The following ZNF227 variants were observed in gnomAD, a reference collection of about 807,000 sequenced individuals.
ZNF227 encodes zinc finger protein 227.
In ZNF227, 12 loss-of-function variants were observed where a neutral mutation model predicts 13.2. The ratio of observed to expected loss-of-function variants is 0.91; its 90% CI spans 0.58 to 1.47. The LOEUF is 1.47. Ranked by LOEUF, ZNF227 falls within the 40% of genes most tolerant of loss-of-function variation. The pLI is 0.00. For synonymous variants in ZNF227, 338 were observed against 326.0 expected (o/e 1.04, Z -0.40); for missense variants, 885 against 967.5 (o/e 0.91, Z 1.13).
At position 44,236,107 on chromosome 19, in the gene ZNF227, T is replaced by C. The variant is rs573333730; in HGVS notation, c.1677T>C (p.Tyr559=). 6.2e-6 allele frequency: 10 copies of C among 1,613,686 alleles called. No homozygotes were observed. Among genetic ancestry groups the C allele is most frequent in the Admixed American group, 3.3e-5 (2 of 59,974 alleles). The change falls in exon 6 of 6, where the codon TAT becomes TAC. Residue 559 remains tyrosine (Y), a synonymous_variant. Coordinates refer to ENST00000313040, the MANE Select transcript of ZNF227 (RefSeq NM_182490.3). ...RCDVCGKDFS[Y]SSNLKLHQVI... is the part of the protein sequence containing the mutation. Reference sequence around the variant, plus strand: ...ATGTGTGTGGTAAGGACTTCAGTTATAGTTCAAATCTTAAACTACACCAAG... The same window carrying C: ...ATGTGTGTGGTAAGGACTTCAGTTACAGTTCAAATCTTAAACTACACCAAG...
At chr19:44,218,886 GTTACC>G (rs1455197374) in intron 3 of ZNF227, among the ~76,000 whole-genome samples, 1 of 152,104 alleles carries the variant, frequency 6.6e-6, no homozygotes, top group African/African-American at 2.4e-5. Flanking sequence ...AGTACCTGAT[GTTACC>G]TTTTTATTCT....
upstream of ZNF227, among the ~76,000 whole-genome samples, chr19:44,209,560 CTTTTA>C (rs367682129): frequency 1.2e-3 from 175 of 152,058 alleles, 1 homozygote; most frequent in African/African-American, 3.9e-3. Context: ...TACTCAGGGT[CTTTTA>C]TTTATTTATT....
upstream of ZNF227, among the ~76,000 whole-genome samples, chr19:44,212,349 TCTCA>T (rs1971416878): frequency 6.7e-6 from 1 of 148,284 alleles, no homozygotes; most frequent in Non-Finnish European, 1.5e-5. Flanking sequence ...CGTAACCCTC[TCTCA>T]CTCGCTCGCT....
chr19:44,215,863 C>G (rs938186599), intron 2 of ZNF227, among the ~76,000 whole-genome samples: 1 of 151,810 alleles, frequency 6.6e-6, no homozygotes. Flanking sequence ...TGGTGCGTAC[C>G]TGTAATCCCA....
chr19:44,214,412 CTT>C (rs141917021), intron 2 of ZNF227, among the ~76,000 whole-genome samples: 1 of 150,042 alleles, frequency 6.7e-6, no homozygotes, highest in African/African-American at 2.5e-5. Context: ...GAGATTCACT[CTT>C]GTTGCCCAGG....
At position 44,236,621 on chromosome 19, in the gene ZNF227, C is replaced by T. The variant is rs773020980; in HGVS notation, c.2191C>T (p.Leu731Phe). Residue 731 changes from leucine to phenylalanine, a missense_variant, in exon 6 of 6, where the codon CTT becomes TTT. Physicochemically the swap from Leu to Phe is conservative, Grantham distance 22 (BLOSUM62 0). Coordinates refer to ENST00000313040, the MANE Select transcript of ZNF227 (RefSeq NM_182490.3). ...CGKAFSLPSNLRVHLGVHTRE... is the reference protein window; with the variant it reads ...CGKAFSLPSNFRVHLGVHTRE... ...TAAGGCCTTCAGTCTCCCCTCAAAT[C>T]TTCGAGTCCACCTGGGTGTTCACAC... is the stretch of plus-strand genomic sequence containing the variant. 1.9e-5 allele frequency: 31 copies of T among 1,613,832 alleles called. No homozygotes were observed. Among genetic ancestry groups the T allele is most frequent in the Admixed American group, 6.7e-5 (4 of 59,974 alleles).
chr19:44,230,945 A>ATCTATATCTATATCTATATCTATATC, intron 5 of ZNF227, among the ~76,000 whole-genome samples: 1 of 135,682 alleles, frequency 7.4e-6, no homozygotes. Flanking sequence ...ATATATATAT[A>ATCTATATCTATATCTATATCTATATC]TATATATATC....
chr19:44,228,203 C>T (rs1468430354), intron 3 of ZNF227: 22 of 355,780 alleles, frequency 6.2e-5, no homozygotes, highest in East Asian at 1.1e-4. Context: ...TGCTCCAGCA[C>T]GGGTGACAGA....
intron 3 of ZNF227, 164 bp from the exon 4 acceptor site, chr19:44,228,282 C>T (rs749117439): frequency 6.2e-5 from 44 of 715,174 alleles, no homozygotes; most frequent in Non-Finnish European, 8.6e-5. Context: ...TGGGGATGAG[C>T]GTAGGAGATA....
chr19:44,215,169 G>GT (rs35264039), intron 2 of ZNF227, among the ~76,000 whole-genome samples: 55,054 of 137,824 alleles, frequency 0.4, 12,363 homozygotes, highest in South Asian at 0.57. Flanking sequence ...CATCAGGTCA[G>GT]TTTTTTTTTT....
At chr19:44,223,131 A>G (rs1972728802) in intron 3 of ZNF227, among the ~76,000 whole-genome samples, 1 of 152,298 alleles carries the variant, frequency 6.6e-6, no homozygotes, top group African/African-American at 2.4e-5. Context: ...ATCATGGTGG[A>G]TAAGCTTTTT....
At chr19:44,214,423 G>A (rs1166297250) in intron 2 of ZNF227, among the ~76,000 whole-genome samples, 2 of 150,156 alleles carry the variant, frequency 1.3e-5, no homozygotes, top group East Asian at 3.9e-4. Context: ...TTGTTGCCCA[G>A]GCTGGAGTGC....
Position 44,235,427 on chromosome 19 carries a change from T to C in ZNF227, c.997T>C (p.Phe333Leu). The change falls in exon 6 of 6, where the codon TTC (phenylalanine) becomes CTC (leucine). Residue 333 changes from phenylalanine to leucine, a missense_variant. Coordinates refer to ENST00000313040, the MANE Select transcript of ZNF227 (RefSeq NM_182490.3). ...SYRCDSCGKGFSSSTGLIIHY... is the reference protein window; with the variant it reads ...SYRCDSCGKGLSSSTGLIIHY... ...TAGATGCGACAGTTGCGGCAAGGGA[T>C]TCAGTAGCAGCACGGGTCTTATCAT... 1 of 1,614,090 alleles carries C rather than the reference T, an allele frequency of 6.2e-7. No homozygotes were observed. The highest frequency in any genetic ancestry group is 8.5e-7 in the Non-Finnish European group (1 of 1,180,026).
At chr19:44,231,071 C>T (rs1973782211) in intron 5 of ZNF227, among the ~76,000 whole-genome samples, 1 of 150,602 alleles carries the variant, frequency 6.6e-6, no homozygotes, top group Non-Finnish European at 1.5e-5. Context: ...CTCCCACACA[C>T]ACAAAATTAA....
chr19:44,216,743 T>C (rs1379909281), intron 2 of ZNF227, among the ~76,000 whole-genome samples: 1 of 152,174 alleles, frequency 6.6e-6, no homozygotes, highest in Non-Finnish European at 1.5e-5. Flanking sequence ...AAAAGAGATG[T>C]ACCAATGATC....
rs748465145 is a variant in ZNF227 at position 44,236,381 on chromosome 19, CAG to C, written c.1956_1957del (p.Arg652SerfsTer11). The C allele has an allele frequency of 5.6e-6, 9 of 1,614,110 alleles. No individual in the cohort carries two copies. The highest frequency in any genetic ancestry group is 3.3e-5 in the Admixed American group (2 of 60,008). On this transcript the variant is annotated frameshift_variant, in exon 6 of 6. Coordinates refer to ENST00000313040, the MANE Select transcript of ZNF227 (RefSeq NM_182490.3). LOFTEE classifies it low-confidence loss of function (END_TRUNC). ...FSQSSGLQSH[Q>X]RVHTGEKPYK... ...TCAGTCCTCTGGTCTTCAATCCCAT[CAG>C]AGAGTCCACACGGGGGAAAAGCCAT... is the stretch of plus-strand genomic sequence containing the variant.
intron 2 of ZNF227, 131 bp from the exon 3 acceptor site, chr19:44,217,660 G>GT (rs1972032741): frequency 1.0e-6 from 1 of 961,062 alleles, no homozygotes; most frequent in African/African-American, 1.6e-5. Flanking sequence ...CTGGAATACA[G>GT]TCCATGTTCT....
chr19:44,224,791 T>C (rs1315754941), intron 3 of ZNF227, among the ~76,000 whole-genome samples: 2 of 152,252 alleles, frequency 1.3e-5, no homozygotes, highest in African/African-American at 4.8e-5. Flanking sequence ...TTGTTATGTG[T>C]GAATTTTGTC....
At chr19:44,230,305 G>A (rs1284540544) in intron 5 of ZNF227, among the ~76,000 whole-genome samples, 4 of 152,062 alleles carry the variant, frequency 2.6e-5, no homozygotes, top group Non-Finnish European at 5.9e-5. Flanking sequence ...GTGAGTTGCC[G>A]CACCCGGCCC....
Sources: gnomAD v4.1 joint callset for allele counts (sites outside exome capture counted in the v4.1 genomes callset) on GRCh38, gnomAD v4.1.1 for gene constraint, MANE v1.5 for transcripts, NCBI Gene and HGNC (gene_info 2026-07-23, HGNC 2026-07-21) for gene names.